Variants in CSMD1 observed in about 807,000 individuals in gnomAD.
The protein encoded by CSMD1 is CUB and Sushi multiple domains 1.
In CSMD1, 213 loss-of-function variants were observed where a neutral mutation model predicts 417.5. The observed-to-expected ratio is 0.51, with a 90% CI of 0.46 to 0.57. The LOEUF (loss-of-function observed/expected upper bound fraction) is 0.57, where lower values mean the gene tolerates loss of function less well. CSMD1 is among the 20% of genes least tolerant of loss of function. CSMD1 has a pLI of 0.00. For missense variants in CSMD1, 6,923 were observed against 4,529.7 expected, an observed-to-expected ratio of 1.53 and a Z score of -15.17; for synonymous variants, 2,862 against 1,736.8, an observed-to-expected ratio of 1.65 and a Z score of -16.11.
intron 2 of CSMD1, among the ~76,000 whole-genome samples, chr8:4,545,387 C>G (rs932703529): frequency 6.6e-6 from 1 of 152,156 alleles, no homozygotes; most frequent in East Asian, 1.9e-4. Flanking sequence ...AGTTTTCAAT[C>G]AATGAACACT....
chr8:3,094,328 C>T (rs1815153819), intron 47 of CSMD1, among the ~76,000 whole-genome samples: 1 of 152,120 alleles, frequency 6.6e-6, no homozygotes, highest in Non-Finnish European at 1.5e-5. Context: ...TGGTCTCAAA[C>T]TCCTGACCTC....
chr8:4,744,473 G>A (rs962056928), intron 1 of CSMD1, among the ~76,000 whole-genome samples: 93 of 152,244 alleles, frequency 6.1e-4, no homozygotes, highest in African/African-American at 2.1e-3. Flanking sequence ...CTCCATAAGT[G>A]AGGAATTATA....
At chr8:4,777,683 A>G (rs11136772) in intron 1 of CSMD1, among the ~76,000 whole-genome samples, 23,798 of 152,206 alleles carry the variant, frequency 0.16, 1,972 homozygotes, top group East Asian at 0.33. Flanking sequence ...TTTTGCCGTT[A>G]AAAACAATGG....
chr8:4,519,093 TC>T (rs1291643707), intron 2 of CSMD1, among the ~76,000 whole-genome samples: 2 of 152,164 alleles, frequency 1.3e-5, no homozygotes, highest in African/African-American at 4.8e-5. Flanking sequence ...TTAATCTCAT[TC>T]CTTATCACAA....
intron 7 of CSMD1, among the ~76,000 whole-genome samples, chr8:3,624,463 G>A (rs1584978962): frequency 1.3e-5 from 2 of 152,182 alleles, no homozygotes; most frequent in East Asian, 1.9e-4. Context: ...TTTTTAGCAC[G>A]AAGGCACTTA....
chr8:4,440,042 T>C (rs2129671036), intron 2 of CSMD1, among the ~76,000 whole-genome samples: 1 of 152,282 alleles, frequency 6.6e-6, no homozygotes, highest in Non-Finnish European at 1.5e-5. Flanking sequence ...TTAATATATC[T>C]AAAATAGCAG....
chr8:3,004,332 A>C (rs1807688124), intron 52 of CSMD1, among the ~76,000 whole-genome samples: 1 of 152,214 alleles, frequency 6.6e-6, no homozygotes, highest in Admixed American at 6.5e-5. Flanking sequence ...AACAACAGTC[A>C]CAGCTCGGAC....
In CSMD1 at chr8:3,574,265, G is replaced by A. The variant is rs559078445; in HGVS notation, c.1344+680C>T. 1.1e-4 allele frequency among the ~76,000 whole-genome samples: 17 copies of A among 152,302 alleles called. 2 individuals carry two copies. In the South Asian group the frequency reaches 3.5e-3, roughly 32 times the overall value. ...TTGTTTTTTATCTTTTCTTGATATG[G>A]AGTCTTGCTCTGTCGCCCAGGCTGG... is the stretch of plus-strand genomic sequence containing the variant. On this transcript the variant is annotated intron_variant, in intron 10 of 69. Coordinates refer to ENST00000635120, the MANE Select transcript of CSMD1 (RefSeq NM_033225.6).
At chr8:3,601,587 T>A (rs184934939) in intron 8 of CSMD1, among the ~76,000 whole-genome samples, 3 of 152,238 alleles carry the variant, frequency 2.0e-5, no homozygotes, top group Non-Finnish European at 4.4e-5. Context: ...GTCACCACAA[T>A]CTACTGTAGA....
At chr8:4,945,981 G>C (rs75317311) in intron 1 of CSMD1, among the ~76,000 whole-genome samples, 22 of 152,166 alleles carry the variant, frequency 1.4e-4, no homozygotes, top group Non-Finnish European at 2.9e-4. Flanking sequence ...GGCTCCAGAA[G>C]ACACGGTAGA....
chr8:3,988,927 G>A (rs900495208), intron 5 of CSMD1, among the ~76,000 whole-genome samples: 2 of 152,268 alleles, frequency 1.3e-5, no homozygotes, highest in Admixed American at 6.5e-5. Flanking sequence ...GAGTGGAGAA[G>A]TTAACAGCTT....
chr8:4,311,512 C>G (rs1798568170), intron 3 of CSMD1, among the ~76,000 whole-genome samples: 2 of 152,038 alleles, frequency 1.3e-5, no homozygotes, highest in Admixed American at 1.3e-4. Flanking sequence ...CACCTGAGAT[C>G]AGGAGTTCGA....
At chr8:4,797,400 G>A (rs1038857213) in intron 1 of CSMD1, among the ~76,000 whole-genome samples, 42 of 152,248 alleles carry the variant, frequency 2.8e-4, no homozygotes, top group African/African-American at 6.7e-4. Flanking sequence ...GGATCAAGCT[G>A]CCACTTCAAA....
intron 3 of CSMD1, among the ~76,000 whole-genome samples, chr8:4,407,087 C>T (rs909563931): frequency 1.3e-5 from 2 of 152,148 alleles, no homozygotes; most frequent in South Asian, 4.1e-4. Flanking sequence ...GTCTATGGCG[C>T]TTTCATACTG....
At chr8:4,098,957 T>A (rs1052066525) in intron 3 of CSMD1, among the ~76,000 whole-genome samples, 2 of 152,176 alleles carry the variant, frequency 1.3e-5, no homozygotes. Context: ...AAAACTGTTT[T>A]ACAATTTTCA....
chr8:3,658,709 G>T (rs988914507), intron 7 of CSMD1, among the ~76,000 whole-genome samples: 1 of 152,034 alleles, frequency 6.6e-6, no homozygotes, highest in South Asian at 2.1e-4. Flanking sequence ...CTTGAACGCA[G>T]GAGGCTAAGG....
chr8:3,829,791 G>C (rs1421337508), intron 5 of CSMD1, among the ~76,000 whole-genome samples: 3 of 152,036 alleles, frequency 2.0e-5, no homozygotes, highest in African/African-American at 4.8e-5. Context: ...TATTGAATGA[G>C]GTTTTCCAAC....
intron 12 of CSMD1, among the ~76,000 whole-genome samples, chr8:3,439,991 C>T (rs1814868125): frequency 6.6e-6 from 1 of 152,158 alleles, no homozygotes; most frequent in Non-Finnish European, 1.5e-5. Context: ...CCTGGGCTTT[C>T]TATTCCATTC....
rs141169015 is a variant in CSMD1, at chr8:3,543,012, C to G, written c.1344+31933G>C. ...CCCATCTGTGAGTAAAATCCCACTT[C>G]ATGGCACCTGCTGTTTGTGGGTGTG... On this transcript the variant is annotated intron_variant, in intron 10 of 69. Transcript: ENST00000635120. 2.0e-5 allele frequency among the ~76,000 whole-genome samples: 3 copies of G among 152,162 alleles called. No homozygotes were observed. The South Asian group carries it at 6.2e-4, about 32-fold the overall frequency.
Sources: gnomAD v4.1 joint callset for allele counts (sites outside exome capture counted in the v4.1 genomes callset) on GRCh38, gnomAD v4.1.1 for gene constraint, MANE v1.5 for transcripts, NCBI Gene and HGNC (gene_info 2026-07-23, HGNC 2026-07-21) for gene names.